GPAM: variants seen among roughly 807,000 people sequenced by gnomAD.
The protein encoded by GPAM is glycerol-3-phosphate acyltransferase, mitochondrial, also known as glycerol-3-phosphate acyltransferase 1, mitochondrial.
Under a neutral mutation model 105.0 loss-of-function variants are expected in GPAM, and 56 were observed. The ratio of observed to expected loss-of-function variants is 0.53; its 90% CI spans 0.43 to 0.67. The LOEUF (loss-of-function observed/expected upper bound fraction) is 0.67, where lower values mean the gene tolerates loss of function less well. GPAM is among the 30% of genes least tolerant of loss of function. GPAM has a pLI of 0.00. For missense variants in GPAM, 855 were observed against 989.8 expected, an observed-to-expected ratio of 0.86 and a Z score of 1.83; for synonymous variants, 368 against 354.4, an observed-to-expected ratio of 1.04 and a Z score of -0.43.
chr10:112,150,498 C>A lies in GPAM; in HGVS notation c.*3052G>T, dbSNP rs1265409963. ...CTATTCAACGCCACACTGGACGTTA[C>A]AAAATGCATGCATATTCTGCCCCAG... On this transcript the variant is annotated 3_prime_UTR_variant, in exon 22 of 22. Coordinates refer to ENST00000348367, the MANE Select transcript of GPAM (RefSeq NM_001244949.2). 2.0e-6 allele frequency: 2 copies of A among 985,322 alleles called. No individual in the cohort carries two copies. Among genetic ancestry groups the A allele is most frequent in the African/African-American group, 3.5e-5 (2 of 57,216 alleles). 61.0% of individuals were successfully genotyped at this position (985,322 alleles called of 1,614,324 possible).
intron 1 of GPAM, chr10:112,214,209 TG>T (rs570939214): frequency 8.0e-4 from 122 of 152,266 alleles, no homozygotes; most frequent in African/African-American, 2.6e-3. Flanking sequence ...CAGAAGTACT[TG>T]GGAATAAAGA....
intron 5 of GPAM, among the ~76,000 whole-genome samples, chr10:112,176,768 G>A (rs1309799798): frequency 6.6e-6 from 1 of 152,216 alleles, no homozygotes; most frequent in African/African-American, 2.4e-5. Flanking sequence ...ACATGTGCAT[G>A]AGTGTGACAG....
chr10:112,216,463 C>G (rs952712496), upstream of GPAM, among the ~76,000 whole-genome samples: 1 of 152,096 alleles, frequency 6.6e-6, no homozygotes, highest in Non-Finnish European at 1.5e-5. Flanking sequence ...CCAAAGGAAC[C>G]ACAACAAAAC....
At chr10:112,212,047 G>A (rs1157700277) in intron 1 of GPAM, among the ~76,000 whole-genome samples, 9 of 152,150 alleles carry the variant, frequency 5.9e-5, no homozygotes. Flanking sequence ...GGTGTCCCCA[G>A]GCAGGTGCCC....
intron 1 of GPAM, among the ~76,000 whole-genome samples, chr10:112,207,666 C>T (rs1160606735): frequency 6.6e-6 from 1 of 152,176 alleles, no homozygotes; most frequent in South Asian, 2.1e-4. Context: ...GTATATTGTT[C>T]GCATTATCAT....
upstream of GPAM, among the ~76,000 whole-genome samples, chr10:112,218,382 C>T (rs951233480): frequency 6.6e-5 from 10 of 152,128 alleles, no homozygotes; most frequent in African/African-American, 1.9e-4. Flanking sequence ...ACTGAAGGCT[C>T]GCCAAGTTCT....
intron 1 of GPAM, among the ~76,000 whole-genome samples, chr10:112,210,216 T>A (rs1324000931): frequency 6.6e-6 from 1 of 152,236 alleles, no homozygotes; most frequent in African/African-American, 2.4e-5. Flanking sequence ...TACGAGCTGT[T>A]GGGGGTAATT....
chr10:112,164,174 T>C (rs1217736514), intron 13 of GPAM, among the ~76,000 whole-genome samples: 1 of 152,214 alleles, frequency 6.6e-6, no homozygotes, highest in Non-Finnish European at 1.5e-5. Flanking sequence ...CAATTTGAAT[T>C]CAATTTGAAT....
In GPAM at chr10:112,154,707, C is replaced by A; in HGVS notation, c.2312-20G>T. On this transcript the variant is annotated intron_variant, in intron 20 of 21. Coordinates refer to ENST00000348367, the MANE Select transcript of GPAM (RefSeq NM_001244949.2). ...TCTCAGCTGAAGAGAGAGAATAAAA[C>A]CCTGTCAAATGGTTACGCTCAACAA... The A allele has an allele frequency of 6.4e-7, 1 of 1,562,254 alleles. No homozygotes were observed. Among genetic ancestry groups the A allele is most frequent in the Non-Finnish European group, 8.8e-7 (1 of 1,132,938 alleles).
At chr10:112,217,350 A>G (rs1425525463), upstream of GPAM, among the ~76,000 whole-genome samples, 2 of 152,186 alleles carry the variant, frequency 1.3e-5, no homozygotes, top group Non-Finnish European at 2.9e-5. Flanking sequence ...GAATAATATT[A>G]CATAGTATAA....
At chr10:112,182,469 C>T (rs1189803643) in intron 2 of GPAM, among the ~76,000 whole-genome samples, 1 of 152,122 alleles carries the variant, frequency 6.6e-6, no homozygotes, top group Non-Finnish European at 1.5e-5. Flanking sequence ...CTTTTTTCTA[C>T]CCTAAGGAAA....
chr10:112,200,010 A>T (rs532213180), intron 1 of GPAM, among the ~76,000 whole-genome samples: 37 of 151,908 alleles, frequency 2.4e-4, no homozygotes, highest in Non-Finnish European at 5.1e-4. Context: ...ATTGTTGTCA[A>T]CTAAATCAAA....
intron 1 of GPAM, among the ~76,000 whole-genome samples, chr10:112,203,542 A>G (rs896132424): frequency 6.6e-6 from 1 of 152,234 alleles, no homozygotes; most frequent in Non-Finnish European, 1.5e-5. Context: ...TGTCAGTAAC[A>G]GAATGAGTCA....
At chr10:112,156,325 A>C in intron 19 of GPAM, 1 of 470,714 alleles carries the variant, frequency 2.1e-6, no homozygotes. Flanking sequence ...AATTTTCATA[A>C]ATGAATGCCC....
Position 112,149,899 on chromosome 10 carries a change from C to T in GPAM, c.*3651G>A. On this transcript the variant is annotated 3_prime_UTR_variant, in exon 22 of 22. Coordinates refer to ENST00000348367, the MANE Select transcript of GPAM (RefSeq NM_001244949.2). ...TTTTTGGTTTATTAAAACAAAACTA[C>T]ATTTTCTGTGTTTCTTGCAATACAC... 3.0e-6 allele frequency: 3 copies of T among 983,890 alleles called. No homozygotes were observed. The highest frequency in any genetic ancestry group is 3.6e-6 in the Non-Finnish European group (3 of 828,124). 60.9% of individuals were successfully genotyped at this position (983,890 alleles called of 1,614,324 possible). A position where few individuals can be genotyped will look rare whatever the true frequency, so the allele number is the denominator to read the frequency against.
In GPAM at chr10:112,161,735, C is replaced by T; in HGVS notation, c.1426G>A (p.Ala476Thr). Residue 476 changes from alanine to threonine, a missense_variant and splice_region_variant, in exon 15 of 22, where the codon GCT becomes ACT. Coordinates refer to ENST00000348367, the MANE Select transcript of GPAM (RefSeq NM_001244949.2). ...GACATAATGGCACAGGACTTGCTAG[C>T]AGCTGGAAGGCAAACACAAAGCTTT... The part of the protein sequence containing the change: ...ANLAEHILFT[A>T]SKSCAIMSTH... The T allele has an allele frequency of 2.5e-6, 4 of 1,613,976 alleles. No homozygotes were observed. Among genetic ancestry groups the T allele is most frequent in the Non-Finnish European group, 3.4e-6 (4 of 1,179,830 alleles).
In GPAM at chr10:112,150,519, C is replaced by T. The variant is rs1564807149; in HGVS notation, c.*3031G>A. On this transcript the variant is annotated 3_prime_UTR_variant, in exon 22 of 22. Coordinates refer to ENST00000348367, the MANE Select transcript of GPAM (RefSeq NM_001244949.2). Reference sequence around the variant, plus strand: ...GTTACAAAATGCATGCATATTCTGCCCCAGTGCTATCTGTTCATTACCGTT... The same window carrying T: ...GTTACAAAATGCATGCATATTCTGCTCCAGTGCTATCTGTTCATTACCGTT... The T allele has an allele frequency of 1.0e-6, 1 of 985,616 alleles. No individual in the cohort carries two copies. The highest frequency in any genetic ancestry group is 1.2e-6 in the Non-Finnish European group (1 of 829,764). 61.1% of individuals were successfully genotyped at this position (985,616 alleles called of 1,614,324 possible).
intron 6 of GPAM, 96 bp from the exon 7 acceptor site, chr10:112,173,941 A>C (rs1010003918): frequency 2.3e-5 from 23 of 982,030 alleles, no homozygotes; most frequent in Admixed American, 1.2e-4. Flanking sequence ...CACAAAACAA[A>C]ATGTATGTTC....
Position 112,152,632 on chromosome 10 carries a change from A to G in GPAM, c.*918T>C. 1 of 985,420 alleles carries G rather than the reference A, an allele frequency of 1.0e-6. No homozygotes were observed. Among genetic ancestry groups the G allele is most frequent in the Non-Finnish European group, 1.2e-6 (1 of 829,904 alleles). The allele number at this position is 985,420 out of a possible 1,614,324, so 61.0% of individuals were successfully genotyped here. A position where few individuals can be genotyped will look rare whatever the true frequency, so the allele number is the denominator to read the frequency against. On this transcript the variant is annotated 3_prime_UTR_variant, in exon 22 of 22. Transcript: ENST00000348367. ...TCTAACAGTCTGTCAGCTCAAGCTA[A>G]TCAAGTTAGGAAAACTGCTATTTGG...
Sources: allele counts gnomAD v4.1 joint callset (sites outside exome capture counted in the v4.1 genomes callset), GRCh38; gene constraint gnomAD v4.1.1; transcripts MANE v1.5; gene names NCBI Gene and HGNC (gene_info 2026-07-23, HGNC 2026-07-21).